Variants in VPS37A observed in about 807,000 individuals in gnomAD.
The protein encoded by VPS37A is vacuolar protein sorting-associated protein 37A.
Under a neutral mutation model 49.8 loss-of-function variants are expected in VPS37A, and 30 were observed. The observed-to-expected ratio is 0.60, with a 90% CI of 0.45 to 0.82. The LOEUF (loss-of-function observed/expected upper bound fraction) is 0.82. VPS37A is among the 40% of genes least tolerant of loss of function. The probability of loss-of-function intolerance (pLI) is 0.00; values close to 1 mark genes in which losing one functional copy is unlikely to be tolerated. For missense variants in VPS37A, 593 were observed against 464.4 expected (o/e 1.28, Z -2.55); for synonymous variants, 195 against 160.6 (o/e 1.21, Z -1.62).
chr8:17,305,848 C>T, downstream of VPS37A: 1 of 1,613,658 alleles, frequency 6.2e-7, no homozygotes, highest in Non-Finnish European at 8.5e-7. Context: ...AAAAACCTCT[C>T]ATTGAACTCA....
At chr8:17,306,502 T>C (rs1161857581), downstream of VPS37A, among the ~76,000 whole-genome samples, 2 of 152,204 alleles carry the variant, frequency 1.3e-5, no homozygotes, top group African/African-American at 4.8e-5. Flanking sequence ...CATGTATTTT[T>C]CTTTTATCTC....
intron 1 of VPS37A, among the ~76,000 whole-genome samples, chr8:17,260,872 C>G (rs1476721356): frequency 1.3e-5 from 2 of 152,134 alleles, no homozygotes; most frequent in African/African-American, 4.8e-5. Flanking sequence ...TATGTTGTTT[C>G]TTTCCTCTTG....
At chr8:17,324,666 G>T in the VPS37A span, among the ~76,000 whole-genome samples, 1 of 152,242 alleles carries the variant, frequency 6.6e-6, no homozygotes, top group African/African-American at 2.4e-5. Flanking sequence ...CTAACAGGCT[G>T]CTGGTCTAGC....
At chr8:17,332,969 T>C in the VPS37A span, among the ~76,000 whole-genome samples, 1 of 152,184 alleles carries the variant, frequency 6.6e-6, no homozygotes, top group African/African-American at 2.4e-5. Context: ...CTGTAATCTT[T>C]CATTGATACC....
intron 11 of VPS37A, among the ~76,000 whole-genome samples, chr8:17,287,232 G>A (rs1815687406): frequency 6.6e-6 from 1 of 152,146 alleles, no homozygotes; most frequent in Non-Finnish European, 1.5e-5. Context: ...TATTTGATAG[G>A]ACAGGGATTT....
At chr8:17,284,193 G>T (rs1009347252) in intron 9 of VPS37A, among the ~76,000 whole-genome samples, 3 of 152,182 alleles carry the variant, frequency 2.0e-5, no homozygotes, top group African/African-American at 7.2e-5. Context: ...CTACCACAGT[G>T]ATTTAATTCG....
chr8:17,256,119 T>G (rs10097407), intron 1 of VPS37A, among the ~76,000 whole-genome samples: 1 of 151,798 alleles, frequency 6.6e-6, no homozygotes, highest in African/African-American at 2.4e-5. Flanking sequence ...GCAGAGATAT[T>G]GTTAGTCTTT....
chr8:17,302,335 C>G, downstream of VPS37A: 1 of 1,559,330 alleles, frequency 6.4e-7, no homozygotes, highest in Non-Finnish European at 8.7e-7. Flanking sequence ...TGAAAATTCA[C>G]ATCCTCAAGT....
At chr8:17,301,293 G>A (rs1343719654), downstream of VPS37A, among the ~76,000 whole-genome samples, 8 of 152,214 alleles carry the variant, frequency 5.3e-5, no homozygotes, top group Admixed American at 4.6e-4. Context: ...GAGGGATGAA[G>A]TGGTAAGGTT....
the VPS37A span, among the ~76,000 whole-genome samples, chr8:17,318,523 C>T: frequency 2.6e-5 from 4 of 152,184 alleles, no homozygotes; most frequent in African/African-American, 4.8e-5. Flanking sequence ...ACAAACATAA[C>T]GGATAGTGTT....
At chr8:17,331,367 A>G in the VPS37A span, 1 of 1,369,824 alleles carries the variant, frequency 7.3e-7, no homozygotes, top group Non-Finnish European at 9.8e-7. Context: ...TGGATACCCA[A>G]TCAAAGCATT....
chr8:17,310,832 A>G, the VPS37A span, among the ~76,000 whole-genome samples: 2 of 152,168 alleles, frequency 1.3e-5, no homozygotes, highest in South Asian at 4.1e-4. Flanking sequence ...AGCACTGTCT[A>G]CCAAATCATG....
In VPS37A at chr8:17,247,272, A is replaced by G. The variant is rs1277383197; in HGVS notation, c.28A>G (p.Ser10Gly). 2.5e-6 allele frequency: 4 copies of G among 1,569,446 alleles called. 1 individual carries two copies. Among genetic ancestry groups the G allele is most frequent in the East Asian group, 2.4e-5 (1 of 42,106 alleles). ...GAGCTGGCTTTTTCCCCTGACCAAG[A>G]GCGCCTCCTCCTCCGCGGCTGGGTC... MSWLFPLTK[S>G]ASSSAAGSPG... is the part of the protein sequence containing the mutation. The change falls in exon 1 of 12, where the codon AGC (serine) becomes GGC (glycine). Residue 10 changes from serine (S) to glycine (G), a missense_variant. Transcript: ENST00000324849.
chr8:17,280,332 A>C (rs781251193), intron 8 of VPS37A, 35 bp downstream of exon 8: 1 of 1,603,068 alleles, frequency 6.2e-7, no homozygotes, highest in South Asian at 1.1e-5. Flanking sequence ...AATTTACATA[A>C]TTTAAAAATA....
At chr8:17,264,343 A>G (rs1383424010) in intron 1 of VPS37A, among the ~76,000 whole-genome samples, 1 of 152,184 alleles carries the variant, frequency 6.6e-6, no homozygotes, top group Non-Finnish European at 1.5e-5. Flanking sequence ...TAGAGGAATA[A>G]AAAATTTAGG....
intron 11 of VPS37A, among the ~76,000 whole-genome samples, chr8:17,287,422 C>T (rs1000659607): frequency 1.3e-5 from 2 of 152,050 alleles, no homozygotes; most frequent in African/African-American, 4.8e-5. Context: ...TGCCTGTAAT[C>T]CCAGCACTTT....
chr8:17,299,746 T>G, downstream of VPS37A: 1 of 1,431,676 alleles, frequency 7.0e-7, no homozygotes, highest in Non-Finnish European at 9.5e-7. Flanking sequence ...ATAGCTGCAT[T>G]AAAGTAGTTC....
chr8:17,290,306 T>A (rs538951460), intron 11 of VPS37A, among the ~76,000 whole-genome samples: 3 of 152,228 alleles, frequency 2.0e-5, no homozygotes, highest in Non-Finnish European at 4.4e-5. Context: ...AGTATGACAT[T>A]GGCTGTGGGT....
chr8:17,249,892 T>C (rs996552198), intron 1 of VPS37A, among the ~76,000 whole-genome samples: 2 of 152,152 alleles, frequency 1.3e-5, no homozygotes, highest in African/African-American at 4.8e-5. Flanking sequence ...TTAGGTTCAA[T>C]GAAGAATGGA....
Sources: allele counts gnomAD v4.1 joint callset (sites outside exome capture counted in the v4.1 genomes callset), GRCh38; gene constraint gnomAD v4.1.1; transcripts MANE v1.5; gene names NCBI Gene and HGNC (gene_info 2026-07-23, HGNC 2026-07-21).